The following LPIN2 variants were observed in gnomAD, a reference collection of about 807,000 sequenced individuals.
LPIN2 encodes phosphatidate phosphatase LPIN2.
A neutral mutation model predicts 111.4 loss-of-function variants in LPIN2; 55 were observed. That is an observed-to-expected ratio of 0.49 (90% confidence interval 0.40 to 0.62). The LOEUF (loss-of-function observed/expected upper bound fraction) is 0.62. LPIN2 is among the 20% of genes least tolerant of loss of function. The pLI, the probability that LPIN2 is intolerant of heterozygous loss-of-function variation, is 0.00. For missense variants in LPIN2, 992 were observed against 1,112.1 expected, an observed-to-expected ratio of 0.89 and a Z score of 1.54; for synonymous variants, 425 against 414.0, an observed-to-expected ratio of 1.03 and a Z score of -0.32.
chr18:2,989,942 G>A (rs2078240545), intron 1 of LPIN2, among the ~76,000 whole-genome samples: 1 of 150,522 alleles, frequency 6.6e-6, no homozygotes, highest in Non-Finnish European at 1.5e-5. Context: ...AAAAATTACA[G>A]TAATCAAAAC....
chr18:2,961,422 C>T (rs748800102), intron 1 of LPIN2, among the ~76,000 whole-genome samples: 12 of 152,202 alleles, frequency 7.9e-5, no homozygotes, highest in Middle Eastern at 3.4e-3. Context: ...TGAGCCTAGC[C>T]CATTTATAAC....
At chr18:2,926,974 G>C (rs956067722) in intron 12 of LPIN2, among the ~76,000 whole-genome samples, 169 bp from the exon 13 acceptor site, 3 of 152,180 alleles carry the variant, frequency 2.0e-5, no homozygotes, top group African/African-American at 4.8e-5. Flanking sequence ...AGAAACCTAA[G>C]ACAGAAGTCA....
chr18:2,950,096 G>C (rs940480717), intron 4 of LPIN2, among the ~76,000 whole-genome samples: 1 of 152,106 alleles, frequency 6.6e-6, no homozygotes, highest in Admixed American at 6.5e-5. Context: ...GGGAGAACCT[G>C]TCTCAATTAA....
At chr18:3,011,198 G>A (rs866733224) in intron 1 of LPIN2, among the ~76,000 whole-genome samples, 3 of 152,150 alleles carry the variant, frequency 2.0e-5, no homozygotes, top group Non-Finnish European at 2.9e-5. Flanking sequence ...CAAAGCCCCA[G>A]CTGACTCTAT....
At chr18:2,953,059 G>C (rs927598751) in intron 3 of LPIN2, among the ~76,000 whole-genome samples, 1 of 152,214 alleles carries the variant, frequency 6.6e-6, no homozygotes, top group Non-Finnish European at 1.5e-5. Context: ...ATGTGGCATA[G>C]AGTAGTAATT....
At chr18:2,960,101 C>T (rs955403084) in intron 2 of LPIN2, among the ~76,000 whole-genome samples, 2 of 151,004 alleles carry the variant, frequency 1.3e-5, no homozygotes, top group African/African-American at 2.4e-5. Context: ...ACCTGGGAGG[C>T]GGAGGTTGCA....
Position 3,000,926 on chromosome 18 carries a change from T to TTA in LPIN2, c.-10+12160_-10+12161insTA, listed in dbSNP as rs1555608534. Reference sequence around the variant, plus strand: ...TTTAAAAAGAAACAAAGAAAGGTGCTAAAAAAAATGGGTAGGGGGGAAAGG... The same window carrying TTA: ...TTTAAAAAGAAACAAAGAAAGGTGCTTAAAAAAAAATGGGTAGGGGGGAAAGG... On this transcript the variant is annotated intron_variant, in intron 1 of 19. Transcript: ENST00000677752. Among the ~76,000 whole-genome samples the TTA allele has an allele frequency of 4.9e-5, 7 of 143,362 alleles. No homozygotes were observed. In the East Asian group the frequency reaches 1.2e-3, roughly 25 times the overall value. 94.1% of individuals were successfully genotyped at this position (143,362 alleles called of 152,430 possible).
chr18:2,920,685 C>T (rs2077039845), intron 19 of LPIN2, 93 bp downstream of exon 19: 1 of 979,248 alleles, frequency 1.0e-6, no homozygotes, highest in East Asian at 2.4e-5. Context: ...AGGGCCTGAT[C>T]TCAAGGATCA....
intron 1 of LPIN2, among the ~76,000 whole-genome samples, chr18:3,000,118 A>AAGGAGAAGG (rs1555608439): frequency 3.5e-5 from 5 of 144,202 alleles, no homozygotes; most frequent in Non-Finnish European, 6.0e-5. Context: ...GGAGGGGAAG[A>AAGGAGAAGG]AGGAGGAGGA....
chr18:2,979,020 G>T (rs2078065338), intron 1 of LPIN2: 1 of 152,366 alleles, frequency 6.6e-6, no homozygotes, highest in African/African-American at 2.4e-5. Flanking sequence ...AGTGAACAGA[G>T]CTGAAGAAGG....
chr18:2,924,608 A>ATT (rs2077103610), intron 14 of LPIN2, 62 bp from the exon 15 acceptor site: 1 of 1,561,310 alleles, frequency 6.4e-7, no homozygotes, highest in Non-Finnish European at 8.8e-7. Context: ...ACGATTTAAA[A>ATT]ATTTACAGAA....
At chr18:2,924,144 A>C (rs764474688) in intron 15 of LPIN2, among the ~76,000 whole-genome samples, 1 of 152,312 alleles carries the variant, frequency 6.6e-6, no homozygotes, top group South Asian at 2.1e-4. Context: ...GCTTGTTTTC[A>C]TATCAGAATT....
At chr18:2,946,990 C>T (rs2077462994) in intron 4 of LPIN2, 1 of 222,406 alleles carries the variant, frequency 4.5e-6, no homozygotes, top group African/African-American at 2.4e-5. Context: ...CCATGTCACC[C>T]TGAGTGTCTA....
At chr18:2,946,435 G>C in intron 4 of LPIN2, 1 of 1,440,384 alleles carries the variant, frequency 6.9e-7, no homozygotes, top group Non-Finnish European at 9.8e-7. Flanking sequence ...TTAATGCATC[G>C]TGAAAGACTG....
At chr18:2,988,008 G>A (rs910447318) in intron 1 of LPIN2, among the ~76,000 whole-genome samples, 3 of 81,756 alleles carry the variant, frequency 3.7e-5, no homozygotes, top group African/African-American at 1.8e-4. Context: ...GTGAGAGACT[G>A]TCTCAAAAAA....
At chr18:3,005,234 C>T (rs915513450) in intron 1 of LPIN2, among the ~76,000 whole-genome samples, 1 of 151,906 alleles carries the variant, frequency 6.6e-6, no homozygotes, top group Non-Finnish European at 1.5e-5. Context: ...CCTGTAATCC[C>T]AGCTACTAGG....
rs1346809433 is a variant in LPIN2 at position 2,920,415 on chromosome 18, C to A, written c.2569G>T (p.Val857Leu). ...CTGAGAAGGGGGAACACATGCTCCA[C>A]GAGCTCACTCAGCCTGTGATACCTA... is the stretch of plus-strand genomic sequence containing the variant. ...KSSYHRLSEL[V>L]EHVFPLLSKE... Residue 857 changes from valine (V) to leucine (L), a missense_variant, in exon 20 of 20, where the codon GTG becomes TTG. Val to Leu is a conservative substitution (Grantham distance 32). This residue lies in a region of LPIN2 where 185 missense variants were observed against 186.5 expected (regional missense o/e 0.99). Transcript: ENST00000677752. 1 of 1,613,838 alleles carries A rather than the reference C, an allele frequency of 6.2e-7. No homozygotes were observed. The highest frequency in any genetic ancestry group is 8.5e-7 in the Non-Finnish European group (1 of 1,180,040).
At chr18:2,927,902 T>C (rs1226224548) in intron 11 of LPIN2, 91 bp from the exon 12 acceptor site, 8 of 1,056,540 alleles carry the variant, frequency 7.6e-6, no homozygotes, top group Non-Finnish European at 1.2e-5. Context: ...GGCCTTACTA[T>C]GGAATGTGAG....
intron 1 of LPIN2, among the ~76,000 whole-genome samples, chr18:2,965,208 G>A (rs1411263386): frequency 7.9e-5 from 12 of 151,778 alleles, no homozygotes; most frequent in Admixed American, 4.6e-4. Context: ...ATGGCCCTTC[G>A]CATATAAAAT....
Sources: gnomAD v4.1 joint callset for allele counts (sites outside exome capture counted in the v4.1 genomes callset) on GRCh38, gnomAD v4.1.1 for gene constraint, gnomAD v4.1.1 regional missense constraint, MANE v1.5 for transcripts, NCBI Gene and HGNC (gene_info 2026-07-23, HGNC 2026-07-21) for gene names.